Variants in TENM3 observed in about 807,000 individuals in gnomAD.
TENM3 encodes the protein teneurin-3.
TENM3 carries 63 observed loss-of-function variants against 255.1 expected under a neutral mutation model. The ratio of observed to expected loss-of-function variants is 0.25; its 90% CI spans 0.20 to 0.30. The LOEUF (loss-of-function observed/expected upper bound fraction) is 0.30, where lower values mean the gene tolerates loss of function less well. Ranked by LOEUF, TENM3 falls within the 10% of genes least tolerant of loss-of-function variation. TENM3 has a pLI of 1.00. For synonymous variants in TENM3, 1,306 were observed against 1,322.3 expected, an observed-to-expected ratio of 0.99 and a Z score of 0.27; for missense variants, 2,929 against 3,461.1, an observed-to-expected ratio of 0.85 and a Z score of 3.86.
the TENM3 span, among the ~76,000 whole-genome samples, chr4:181,689,615 G>C: frequency 6.6e-6 from 1 of 152,138 alleles, no homozygotes. Context: ...TTCGGTAAAA[G>C]TATGGCATGA....
intron 3 of TENM3, among the ~76,000 whole-genome samples, chr4:182,375,904 C>T (rs1363113770): frequency 6.6e-6 from 1 of 152,166 alleles, no homozygotes; most frequent in African/African-American, 2.4e-5. Context: ...AATGAATGCA[C>T]TGACTTCCAT....
At chr4:181,753,988 G>A in the TENM3 span, among the ~76,000 whole-genome samples, 1 of 152,144 alleles carries the variant, frequency 6.6e-6, no homozygotes, top group Non-Finnish European at 1.5e-5. Flanking sequence ...GAAGTAAAAT[G>A]ATGTGGGGAA....
intron 12 of TENM3, among the ~76,000 whole-genome samples, chr4:182,710,793 T>A (rs1758693512): frequency 6.6e-6 from 1 of 152,204 alleles, no homozygotes; most frequent in South Asian, 2.1e-4. Context: ...TGAGGCTGAT[T>A]AAGATTTATT....
At chr4:182,769,380 G>C (rs1763983876) in intron 22 of TENM3, among the ~76,000 whole-genome samples, 1 of 151,398 alleles carries the variant, frequency 6.6e-6, no homozygotes. Context: ...CATTTCTGTT[G>C]ACATAGGTGC....
At chr4:182,082,847 C>T in the TENM3 span, among the ~76,000 whole-genome samples, 18 of 152,280 alleles carry the variant, frequency 1.2e-4, no homozygotes, top group East Asian at 1.9e-3. Context: ...CTACTCTGAA[C>T]GGCCTTTATT....
chr4:181,631,214 G>C, the TENM3 span, among the ~76,000 whole-genome samples: 1 of 152,000 alleles, frequency 6.6e-6, no homozygotes, highest in African/African-American at 2.4e-5. Context: ...CCCAGAGGCT[G>C]ATCTCAGCTC....
chr4:181,838,112 C>G, the TENM3 span, among the ~76,000 whole-genome samples: 18 of 149,082 alleles, frequency 1.2e-4, no homozygotes, highest in Non-Finnish European at 7.4e-5. Flanking sequence ...CAACTGCAGC[C>G]TGGGCAACAG....
intron 13 of TENM3, among the ~76,000 whole-genome samples, chr4:182,715,729 C>T (rs1004504377): frequency 6.6e-6 from 1 of 152,138 alleles, no homozygotes; most frequent in African/African-American, 2.4e-5. Context: ...AACCCCTCAA[C>T]CTCCCTTCCA....
chr4:181,858,770 G>T, the TENM3 span, among the ~76,000 whole-genome samples: 7 of 152,140 alleles, frequency 4.6e-5, no homozygotes, highest in East Asian at 1.9e-4. Flanking sequence ...ACGGGCCAGA[G>T]AATTCACATG....
the TENM3 span, among the ~76,000 whole-genome samples, chr4:181,577,159 AAAT>A: frequency 7.4e-6 from 1 of 134,590 alleles, no homozygotes; most frequent in Non-Finnish European, 1.5e-5. Flanking sequence ...ATATATATAT[AAAT>A]AATATATATT....
chr4:181,563,050 G>T, the TENM3 span, among the ~76,000 whole-genome samples: 1 of 152,332 alleles, frequency 6.6e-6, no homozygotes, highest in Middle Eastern at 3.4e-3. Context: ...TCATATGACC[G>T]CAACTAGCTG....
intron 24 of TENM3, among the ~76,000 whole-genome samples, chr4:182,787,140 C>T (rs901250232): frequency 1.3e-5 from 2 of 152,214 alleles, no homozygotes; most frequent in Admixed American, 6.5e-5. Flanking sequence ...TCACATAAGG[C>T]AGGGAGCAAC....
chr4:182,067,712 C>T, the TENM3 span, among the ~76,000 whole-genome samples: 3 of 152,058 alleles, frequency 2.0e-5, no homozygotes, highest in South Asian at 2.1e-4. Context: ...TCTCCAAGGC[C>T]CTTCATATGT....
chr4:181,958,489 A>G, the TENM3 span, among the ~76,000 whole-genome samples: 1 of 152,242 alleles, frequency 6.6e-6, no homozygotes, highest in South Asian at 2.1e-4. Flanking sequence ...ATATGAGTAA[A>G]TCATACTTGC....
the TENM3 span, among the ~76,000 whole-genome samples, chr4:182,123,758 G>GA: frequency 6.6e-6 from 1 of 152,106 alleles, no homozygotes; most frequent in Admixed American, 6.5e-5. Context: ...CACGCTGTTG[G>GA]AAAAATGGTA....
chr4:182,752,073 T>TG lies in TENM3; in HGVS notation c.3862+41_3862+42insG, dbSNP rs1554029559. The TG allele has an allele frequency of 5.4e-6, 5 of 920,472 alleles. No homozygotes were observed. The East Asian group carries it at 1.2e-4, about 22-fold the overall frequency. 57.0% of individuals were successfully genotyped at this position (920,472 alleles called of 1,614,324 possible). A position where few individuals can be genotyped will look rare whatever the true frequency, so the allele number is the denominator to read the frequency against. On this transcript the variant is annotated intron_variant, in intron 20 of 27. Transcript: ENST00000511685. ...GATTTGAGGATTTCTTTTTATTTAT[T>TG]AAAAAAAAAAAAAAAGGGGTTGAAA...
intron 3 of TENM3, among the ~76,000 whole-genome samples, chr4:182,409,555 G>T (rs1359245030): frequency 6.6e-6 from 1 of 152,156 alleles, no homozygotes; most frequent in East Asian, 1.9e-4. Flanking sequence ...GTACATTGGT[G>T]CAGGCTCTCA....
chr4:182,005,049 C>T, the TENM3 span, among the ~76,000 whole-genome samples: 2 of 152,178 alleles, frequency 1.3e-5, no homozygotes, highest in South Asian at 2.1e-4. Context: ...GATTCTTTTG[C>T]TGTGCTGAAG....
the TENM3 span, among the ~76,000 whole-genome samples, chr4:181,549,405 C>T: frequency 7.2e-3 from 1,090 of 152,278 alleles, 9 homozygotes; most frequent in African/African-American, 0.024. Flanking sequence ...TTTCCCTGCA[C>T]GCACTGTGCT....
Sources: gnomAD v4.1 joint callset for allele counts (sites outside exome capture counted in the v4.1 genomes callset) on GRCh38, gnomAD v4.1.1 for gene constraint, MANE v1.5 for transcripts, NCBI Gene and HGNC (gene_info 2026-07-23, HGNC 2026-07-21) for gene names.